Variants in GPM6A observed in about 807,000 individuals in gnomAD.
GPM6A encodes the protein neuronal membrane glycoprotein M6-a.
Under a neutral mutation model 32.1 loss-of-function variants are expected in GPM6A, and 7 were observed. The ratio of observed to expected loss-of-function variants is 0.22; its 90% CI spans 0.12 to 0.41. The LOEUF (loss-of-function observed/expected upper bound fraction) is 0.41. GPM6A is among the 10% of genes least tolerant of loss of function. The pLI is 1.00. For synonymous variants in GPM6A, 130 were observed against 123.4 expected (o/e 1.05, Z -0.35); for missense variants, 235 against 347.2 (o/e 0.68, Z 2.57).
At chr4:175,651,023 C>A (rs1307471085) in intron 4 of GPM6A, among the ~76,000 whole-genome samples, 1 of 152,146 alleles carries the variant, frequency 6.6e-6, no homozygotes, top group Non-Finnish European at 1.5e-5. Context: ...CAGCTCAGTA[C>A]TAAGTTTTAA....
At chr4:175,940,691 C>T (rs1487126204) in intron 1 of GPM6A, among the ~76,000 whole-genome samples, 1 of 152,060 alleles carries the variant, frequency 6.6e-6, no homozygotes, top group Non-Finnish European at 1.5e-5. Flanking sequence ...TCACTGCAAC[C>T]TCCGCCTCCT....
At chr4:175,877,196 T>A (rs1026883522) in intron 1 of GPM6A, among the ~76,000 whole-genome samples, 2 of 152,180 alleles carry the variant, frequency 1.3e-5, no homozygotes, top group Non-Finnish European at 2.9e-5. Flanking sequence ...GGCACAATCC[T>A]CTGCACCTGA....
intron 1 of GPM6A, among the ~76,000 whole-genome samples, chr4:175,886,891 C>T (rs907420895): frequency 6.6e-5 from 10 of 150,466 alleles, no homozygotes; most frequent in African/African-American, 2.4e-4. Context: ...AGTGTGGAAA[C>T]CAAAAAAATG....
chr4:175,975,951 A>G (rs565022630), intron 1 of GPM6A, among the ~76,000 whole-genome samples: 19 of 148,904 alleles, frequency 1.3e-4, no homozygotes, highest in Admixed American at 5.4e-4. Context: ...AAACCATAGT[A>G]ATAGTGGCTT....
intron 1 of GPM6A, among the ~76,000 whole-genome samples, chr4:175,751,754 TTTG>T (rs1553985554): frequency 6.6e-6 from 1 of 151,972 alleles, no homozygotes; most frequent in African/African-American, 2.4e-5. Context: ...TGTTTTTTTT[TTTG>T]TTGTTGTTGT....
intron 3 of GPM6A, among the ~76,000 whole-genome samples, chr4:175,658,359 A>G (rs1742205543): frequency 6.6e-6 from 1 of 152,080 alleles, no homozygotes; most frequent in Admixed American, 6.5e-5. Context: ...GCTCTATGAC[A>G]TTCTGGAAAA....
chr4:175,687,615 G>A (rs1352724414), intron 2 of GPM6A, among the ~76,000 whole-genome samples: 1 of 151,934 alleles, frequency 6.6e-6, no homozygotes, highest in Non-Finnish European at 1.5e-5. Context: ...TGAATACTGT[G>A]AATTATGCTG....
chr4:175,910,410 G>A (rs552526182), intron 1 of GPM6A, among the ~76,000 whole-genome samples: 41 of 152,076 alleles, frequency 2.7e-4, no homozygotes, highest in Non-Finnish European at 3.8e-4. Flanking sequence ...TATCTTCTTC[G>A]TCCCCTCCTG....
chr4:175,938,068 A>AT (rs1240553367), intron 1 of GPM6A, among the ~76,000 whole-genome samples: 1 of 152,130 alleles, frequency 6.6e-6, no homozygotes. Flanking sequence ...CACTCTCAAT[A>AT]TTTTTTAGAT....
At chr4:175,842,794 T>A (rs1388829746) in intron 1 of GPM6A, among the ~76,000 whole-genome samples, 5 of 152,102 alleles carry the variant, frequency 3.3e-5, no homozygotes, top group African/African-American at 1.2e-4. Context: ...CCACAGTTAA[T>A]TTAGAAGATT....
At chr4:175,882,159 TAA>T (rs1442234926) in intron 1 of GPM6A, among the ~76,000 whole-genome samples, 5 of 152,102 alleles carry the variant, frequency 3.3e-5, no homozygotes, top group Non-Finnish European at 7.4e-5. Context: ...CCATTTAATA[TAA>T]GTCAAGAAAG....
intron 1 of GPM6A, among the ~76,000 whole-genome samples, chr4:175,802,912 C>G (rs990158753): frequency 6.6e-6 from 1 of 151,980 alleles, no homozygotes; most frequent in African/African-American, 2.4e-5. Flanking sequence ...AAGCTGCTAC[C>G]AAACTACTGA....
At chr4:175,798,403 T>C (rs1332565874) in intron 1 of GPM6A, among the ~76,000 whole-genome samples, 4 of 152,168 alleles carry the variant, frequency 2.6e-5, no homozygotes, top group Non-Finnish European at 2.9e-5. Flanking sequence ...TTATGACACT[T>C]ACAATTCAGT....
Position 175,857,671 on chromosome 4 carries a change from T to G in GPM6A, c.-22-45422A>C, listed in dbSNP as rs182980188. On this transcript the variant is annotated intron_variant, in intron 1 of 7. Transcript: ENST00000280187. ...GGGAATGCAATATCCATTGTTGTTT[T>G]TAGAAACTCTCTGCAAATTTGGAAT... 1.8e-4 allele frequency among the ~76,000 whole-genome samples: 27 copies of G among 152,204 alleles called. No homozygotes were observed. In the East Asian group the frequency reaches 3.3e-3, roughly 19 times the overall value.
At chr4:175,944,669 A>C (rs1398992284) in intron 1 of GPM6A, among the ~76,000 whole-genome samples, 1 of 152,236 alleles carries the variant, frequency 6.6e-6, no homozygotes, top group East Asian at 1.9e-4. Flanking sequence ...TGTATGAAGA[A>C]AATGACGGAG....
intron 6 of GPM6A, among the ~76,000 whole-genome samples, chr4:175,638,570 A>G (rs1386238133): frequency 2.0e-5 from 3 of 152,132 alleles, no homozygotes; most frequent in East Asian, 3.9e-4. Context: ...TTGTTTTGAG[A>G]GTAAGCATTT....
chr4:175,944,466 A>G (rs1016136142), intron 1 of GPM6A, among the ~76,000 whole-genome samples: 2 of 152,136 alleles, frequency 1.3e-5, no homozygotes, highest in African/African-American at 4.8e-5. Flanking sequence ...TATAAAATGC[A>G]TACTGATTTT....
intron 1 of GPM6A, among the ~76,000 whole-genome samples, chr4:175,892,456 C>A (rs116047536): frequency 3.3e-5 from 5 of 152,258 alleles, no homozygotes; most frequent in African/African-American, 1.2e-4. Flanking sequence ...TCGTAAGCAG[C>A]CCCAACTGGA....
At chr4:175,777,210 C>T (rs1279355441) in intron 1 of GPM6A, among the ~76,000 whole-genome samples, 2 of 152,122 alleles carry the variant, frequency 1.3e-5, no homozygotes, top group Non-Finnish European at 2.9e-5. Flanking sequence ...CTGGCAATAA[C>T]TAGCTATAGG....
Sources: allele counts gnomAD v4.1 joint callset (sites outside exome capture counted in the v4.1 genomes callset), GRCh38; gene constraint gnomAD v4.1.1; transcripts MANE v1.5; gene names NCBI Gene and HGNC (gene_info 2026-07-23, HGNC 2026-07-21).